Variants in GABRB2 observed in about 807,000 individuals in gnomAD.
GABRB2 encodes the protein gamma-aminobutyric acid type A receptor subunit beta2.
In GABRB2, 16 loss-of-function variants were observed where a neutral mutation model predicts 54.7. The ratio of observed to expected loss-of-function variants is 0.29; its 90% CI spans 0.20 to 0.44. The LOEUF (loss-of-function observed/expected upper bound fraction) is 0.44, where lower values mean the gene tolerates loss of function less well. GABRB2 is among the 20% of genes least tolerant of loss of function. The pLI is 1.00. For missense variants in GABRB2, 355 were observed against 644.0 expected, an observed-to-expected ratio of 0.55 and a Z score of 4.86; for synonymous variants, 244 against 233.8, an observed-to-expected ratio of 1.04 and a Z score of -0.40.
intron 9 of GABRB2, among the ~76,000 whole-genome samples, chr5:161,300,933 A>G (rs1465233256): frequency 2.0e-5 from 3 of 152,210 alleles, no homozygotes; most frequent in Non-Finnish European, 4.4e-5. Context: ...CAACATATGC[A>G]GCTTCCATTT....
chr5:161,447,472 C>T (rs1478834465), intron 4 of GABRB2, among the ~76,000 whole-genome samples: 1 of 152,102 alleles, frequency 6.6e-6, no homozygotes, highest in Non-Finnish European at 1.5e-5. Context: ...GGGAACAATT[C>T]AACATGGAAT....
At chr5:161,395,967 T>C (rs17059409) in intron 5 of GABRB2, among the ~76,000 whole-genome samples, 13,501 of 152,154 alleles carry the variant, frequency 0.089, 695 homozygotes, top group East Asian at 0.17. Flanking sequence ...GTCCAGGAAA[T>C]AATGTCAAGG....
intron 3 of GABRB2, among the ~76,000 whole-genome samples, chr5:161,506,887 T>G (rs189598187): frequency 6.6e-6 from 1 of 152,212 alleles, no homozygotes; most frequent in Non-Finnish European, 1.5e-5. Context: ...GTTATCCAAA[T>G]AGAAAAAATG....
chr5:161,463,982 T>C (rs1758205360), intron 3 of GABRB2, among the ~76,000 whole-genome samples: 1 of 152,024 alleles, frequency 6.6e-6, no homozygotes, highest in Non-Finnish European at 1.5e-5. Context: ...GTGTAAAATG[T>C]AATACTATAA....
At chr5:161,471,156 G>T (rs561533589) in intron 3 of GABRB2, among the ~76,000 whole-genome samples, 3 of 151,844 alleles carry the variant, frequency 2.0e-5, no homozygotes, top group Non-Finnish European at 2.9e-5. Flanking sequence ...ACCAACCAAG[G>T]TCCCACAGCT....
At chr5:161,495,075 C>A (rs992257313) in intron 3 of GABRB2, among the ~76,000 whole-genome samples, 2 of 151,920 alleles carry the variant, frequency 1.3e-5, no homozygotes, top group Admixed American at 1.3e-4. Context: ...TACCAAAGAT[C>A]ACATGATGCT....
chr5:161,425,892 C>A (rs1448582704), intron 4 of GABRB2, among the ~76,000 whole-genome samples: 1 of 152,094 alleles, frequency 6.6e-6, no homozygotes, highest in African/African-American at 2.4e-5. Context: ...AACCGAATTT[C>A]TCATAATTGC....
intron 3 of GABRB2, among the ~76,000 whole-genome samples, chr5:161,492,338 G>A (rs992216965): frequency 2.0e-5 from 3 of 151,542 alleles, no homozygotes; most frequent in African/African-American, 7.3e-5. Flanking sequence ...CCTCTAAATA[G>A]CTACAGAATC....
intron 3 of GABRB2, among the ~76,000 whole-genome samples, chr5:161,488,989 T>C (rs1361739171): frequency 6.6e-6 from 1 of 151,758 alleles, no homozygotes; most frequent in Non-Finnish European, 1.5e-5. Flanking sequence ...AAACATGTTA[T>C]TAGAGATGAG....
upstream of GABRB2, chr5:161,547,881 C>T (rs1221445904): frequency 6.6e-6 from 1 of 152,252 alleles, no homozygotes; most frequent in Non-Finnish European, 1.5e-5. Context: ...GCCGCCATCC[C>T]TCCTTACCTC....
chr5:161,439,331 A>G (rs1378631396), intron 4 of GABRB2, among the ~76,000 whole-genome samples: 1 of 152,202 alleles, frequency 6.6e-6, no homozygotes, highest in Non-Finnish European at 1.5e-5. Context: ...GGAGAAATAA[A>G]GACTTTCCCA....
intron 9 of GABRB2, among the ~76,000 whole-genome samples, chr5:161,318,585 AT>A (rs1286337675): frequency 6.6e-6 from 1 of 151,994 alleles, no homozygotes; most frequent in East Asian, 1.9e-4. Flanking sequence ...CCAGTGCTAT[AT>A]TGCATTCACT....
chr5:161,479,212 A>C (rs988153470), intron 3 of GABRB2, among the ~76,000 whole-genome samples: 5 of 152,118 alleles, frequency 3.3e-5, no homozygotes, highest in African/African-American at 1.2e-4. Context: ...GTCTTTGGGC[A>C]CAAAGTTTTA....
Position 161,459,728 on chromosome 5 carries a change from A to C in GABRB2, c.354T>G (p.Pro118=). The change falls in exon 4 of 10, where the codon CCT becomes CCG. Residue 118 remains proline (P), a synonymous_variant. Coordinates refer to ENST00000393959, the MANE Select transcript of GABRB2 (RefSeq NM_001371727.1). Reference sequence around the variant, plus strand: ...TCTTATCGTTCAGGAAATAGGTATCAGGCACCCAGAGCTGGTCTGCCACTC... The same window carrying C: ...TCTTATCGTTCAGGAAATAGGTATCCGGCACCCAGAGCTGGTCTGCCACTC... ...DNRVADQLWV[P]DTYFLNDKKS... is the part of the protein sequence containing the mutation. 6.2e-7 allele frequency: 1 copy of C among 1,614,092 alleles called. No individual in the cohort carries two copies. Among genetic ancestry groups the C allele is most frequent in the Non-Finnish European group, 8.5e-7 (1 of 1,179,966 alleles).
intron 3 of GABRB2, among the ~76,000 whole-genome samples, chr5:161,460,258 T>TTATATATA (rs148478159): frequency 0.046 from 6,804 of 148,592 alleles, 390 homozygotes; most frequent in East Asian, 0.16. Flanking sequence ...GAAAACAAAT[T>TTATATATA]TATATATATA....
At chr5:161,415,599 T>A (rs1481832780) in intron 4 of GABRB2, among the ~76,000 whole-genome samples, 2 of 152,022 alleles carry the variant, frequency 1.3e-5, no homozygotes, top group Non-Finnish European at 2.9e-5. Flanking sequence ...CAAGTTTGGG[T>A]TTTTTGTTTG....
chr5:161,341,660 T>G (rs529867297), intron 5 of GABRB2, among the ~76,000 whole-genome samples: 100 of 151,784 alleles, frequency 6.6e-4, no homozygotes, highest in African/African-American at 2.3e-3. Flanking sequence ...GTATTATATG[T>G]GATCTAAGAA....
chr5:161,499,987 A>G (rs1370914273), intron 3 of GABRB2, among the ~76,000 whole-genome samples: 3 of 152,226 alleles, frequency 2.0e-5, no homozygotes, highest in South Asian at 2.1e-4. Context: ...ATTCAAAAAC[A>G]ATAAAACAAG....
chr5:161,393,161 C>T (rs957592797), intron 5 of GABRB2, among the ~76,000 whole-genome samples: 1 of 151,228 alleles, frequency 6.6e-6, no homozygotes, highest in Non-Finnish European at 1.5e-5. Context: ...TCACAGGATA[C>T]CTGATTTCCC....
Sources: allele counts gnomAD v4.1 joint callset (sites outside exome capture counted in the v4.1 genomes callset), GRCh38; gene constraint gnomAD v4.1.1; transcripts MANE v1.5; gene names NCBI Gene and HGNC (gene_info 2026-07-23, HGNC 2026-07-21).